LDB2: variants seen among roughly 807,000 people sequenced by gnomAD.
LDB2 encodes LIM domain binding 2.
Under a neutral mutation model 44.3 loss-of-function variants are expected in LDB2, and 12 were observed. That is an observed-to-expected ratio of 0.27 (90% CI 0.17 to 0.44). LDB2 has a LOEUF of 0.44. LDB2 is among the 20% of genes least tolerant of loss of function. LDB2 has a pLI of 1.00. For missense variants in LDB2, 344 were observed against 473.5 expected, an observed-to-expected ratio of 0.73 and a Z score of 2.54; for synonymous variants, 164 against 174.8, an observed-to-expected ratio of 0.94 and a Z score of 0.49.
Position 16,515,939 on chromosome 4 carries a change from C to T in LDB2, c.616-3835G>A, listed in dbSNP as rs190753673. Among the ~76,000 whole-genome samples, 896 of 152,206 alleles carry T rather than the reference C, an allele frequency of 5.9e-3. 14 individuals are homozygous for T. Among genetic ancestry groups the T allele is most frequent in the African/African-American group, 0.02 (837 of 41,530 alleles). The stretch of plus-strand genomic sequence containing the variant: ...AGTGCAGTGGTGTGATCTTGGCTCA[C>T]CGCAAGCTCTGCCTCCTGGGTTCAC... On this transcript the variant is annotated intron_variant, in intron 5 of 7. Coordinates refer to ENST00000304523, the MANE Select transcript of LDB2 (RefSeq NM_001290.5).
chr4:16,859,295 T>C (rs1381376190), intron 1 of LDB2, among the ~76,000 whole-genome samples: 1 of 152,238 alleles, frequency 6.6e-6, no homozygotes, highest in East Asian at 1.9e-4. Context: ...TTCAGCTGAA[T>C]TCTGTAAGTA....
chr4:16,870,559 C>T (rs917134764), intron 1 of LDB2, among the ~76,000 whole-genome samples: 1 of 152,110 alleles, frequency 6.6e-6, no homozygotes, highest in Non-Finnish European at 1.5e-5. Flanking sequence ...TCTGGCCTCA[C>T]CATCTCTGCA....
At chr4:16,876,619 A>G (rs1002767318) in intron 1 of LDB2, among the ~76,000 whole-genome samples, 2 of 152,128 alleles carry the variant, frequency 1.3e-5, no homozygotes, top group African/African-American at 4.8e-5. Context: ...TGCTGACTTT[A>G]GTACAATGTA....
chr4:16,733,313 T>C (rs2108938412), intron 2 of LDB2, among the ~76,000 whole-genome samples: 1 of 151,880 alleles, frequency 6.6e-6, no homozygotes, highest in East Asian at 1.9e-4. Flanking sequence ...GCAGGATAAT[T>C]GGAATAAATT....
intron 2 of LDB2, among the ~76,000 whole-genome samples, chr4:16,702,562 C>T (rs1753691076): frequency 6.6e-6 from 1 of 152,190 alleles, no homozygotes; most frequent in South Asian, 2.1e-4. Flanking sequence ...GTGTTTCAGG[C>T]TTTGATGGAC....
At chr4:16,602,944 G>T (rs1722955780) in intron 2 of LDB2, among the ~76,000 whole-genome samples, 1 of 152,090 alleles carries the variant, frequency 6.6e-6, no homozygotes, top group Non-Finnish European at 1.5e-5. Flanking sequence ...ATAAGTCAAT[G>T]CAATAAATAT....
At chr4:16,629,863 T>C (rs908838070) in intron 2 of LDB2, among the ~76,000 whole-genome samples, 5 of 151,558 alleles carry the variant, frequency 3.3e-5, no homozygotes, top group African/African-American at 1.2e-4. Flanking sequence ...ATTAATGAAA[T>C]TGAGTGAGAA....
chr4:16,654,556 T>A (rs1739230832), intron 2 of LDB2, among the ~76,000 whole-genome samples: 1 of 152,090 alleles, frequency 6.6e-6, no homozygotes, highest in African/African-American at 2.4e-5. Flanking sequence ...TTCTAGAAAA[T>A]GTGTTGTGGG....
chr4:16,567,387 CGTGTGT>C (rs949119338), intron 5 of LDB2, among the ~76,000 whole-genome samples: 1 of 14,902 alleles, frequency 6.7e-5, no homozygotes, highest in Non-Finnish European at 4.8e-4. Context: ...TGTGTGTGCG[CGTGTGT>C]GCATGCGTGT....
intron 5 of LDB2, among the ~76,000 whole-genome samples, chr4:16,584,405 G>A (rs1037318485): frequency 3.9e-5 from 6 of 152,210 alleles, no homozygotes; most frequent in Non-Finnish European, 8.8e-5. Flanking sequence ...GCAGTGAAGC[G>A]CATGGATTCT....
At chr4:16,773,753 GA>G (rs1771228145) in intron 1 of LDB2, among the ~76,000 whole-genome samples, 1 of 151,774 alleles carries the variant, frequency 6.6e-6, no homozygotes, top group Non-Finnish European at 1.5e-5. Flanking sequence ...TTTTTTTAGA[GA>G]GACAGGGTCT....
chr4:16,650,887 G>C (rs1456685545), intron 2 of LDB2, among the ~76,000 whole-genome samples: 1 of 152,174 alleles, frequency 6.6e-6, no homozygotes, highest in African/African-American at 2.4e-5. Context: ...CTCAAGTCAA[G>C]GGTCTACTTC....
intron 1 of LDB2, among the ~76,000 whole-genome samples, chr4:16,888,452 C>A (rs1210382914): frequency 1.3e-5 from 2 of 152,110 alleles, no homozygotes; most frequent in Non-Finnish European, 2.9e-5. Context: ...GACTACTCTG[C>A]CATTCCTCTC....
chr4:16,647,924 C>T (rs1737223294), intron 2 of LDB2, among the ~76,000 whole-genome samples: 1 of 152,192 alleles, frequency 6.6e-6, no homozygotes, highest in African/African-American at 2.4e-5. Context: ...ACCTTACAGG[C>T]TTATTCAGCT....
chr4:16,733,682 C>T (rs529152578), intron 2 of LDB2, among the ~76,000 whole-genome samples: 2 of 152,196 alleles, frequency 1.3e-5, no homozygotes, highest in African/African-American at 2.4e-5. Context: ...CAGGTTTGCT[C>T]CCTTTCCAGC....
At chr4:16,789,143 G>A (rs1358825913) in intron 1 of LDB2, among the ~76,000 whole-genome samples, 1 of 152,186 alleles carries the variant, frequency 6.6e-6, no homozygotes, top group African/African-American at 2.4e-5. Flanking sequence ...GCCAGGAGGT[G>A]GAGAGAATCT....
intron 1 of LDB2, among the ~76,000 whole-genome samples, chr4:16,799,490 A>G (rs192955340): frequency 6.6e-6 from 1 of 152,348 alleles, no homozygotes; most frequent in Non-Finnish European, 1.5e-5. Context: ...GAATAGGAAG[A>G]AGGAAAGGAT....
chr4:16,625,768 A>G (rs1730124082), intron 2 of LDB2, among the ~76,000 whole-genome samples: 1 of 152,148 alleles, frequency 6.6e-6, no homozygotes, highest in Admixed American at 6.5e-5. Flanking sequence ...TCTCTTAGTG[A>G]TGGAAAAGCA....
chr4:16,841,505 G>C (rs1054097472), intron 1 of LDB2, among the ~76,000 whole-genome samples: 1 of 152,170 alleles, frequency 6.6e-6, no homozygotes, highest in African/African-American at 2.4e-5. Flanking sequence ...GACATCACAT[G>C]TGAATAAGAT....
Sources: allele counts gnomAD v4.1 joint callset (sites outside exome capture counted in the v4.1 genomes callset), GRCh38; gene constraint gnomAD v4.1.1; transcripts MANE v1.5; gene names NCBI Gene and HGNC (gene_info 2026-07-23, HGNC 2026-07-21).